The following PFKM variants were observed in gnomAD, a reference collection of about 807,000 sequenced individuals.
PFKM encodes the protein ATP-dependent 6-phosphofructokinase, muscle type.
A neutral mutation model predicts 95.5 loss-of-function variants in PFKM; 58 were observed. The ratio of observed to expected loss-of-function variants is 0.61; its 90% CI spans 0.49 to 0.76. The LOEUF is 0.76. Ranked by LOEUF, PFKM falls within the 30% of genes least tolerant of loss-of-function variation. PFKM has a pLI of 0.00. For synonymous variants in PFKM, 336 were observed against 357.2 expected, an observed-to-expected ratio of 0.94 and a Z score of 0.67; for missense variants, 678 against 1,005.4, an observed-to-expected ratio of 0.67 and a Z score of 4.40.
At chr12:48,129,243 T>TTTTTTTTTTTTTTTTTTTTC (rs1565877213) in intron 2 of PFKM, among the ~76,000 whole-genome samples, 1 of 96,178 alleles carries the variant, frequency 1.0e-5, no homozygotes, top group African/African-American at 4.6e-5. Context: ...TTTTTTTTTT[T>TTTTTTTTTTTTTTTTTTTTC]ACAGATGGAG....
At chr12:48,105,983 C>G (rs955578449) in exon 1 of PFKM, 5 of 700,096 alleles carry the variant, frequency 7.1e-6, no homozygotes, top group East Asian at 5.4e-5. Context: ...CTGGACCAGG[C>G]TCCCTCCATC....
chr12:48,139,722 G>T (rs1950413464), intron 12 of PFKM, 127 bp from the exon 13 acceptor site: 1 of 737,372 alleles, frequency 1.4e-6, no homozygotes, highest in East Asian at 2.6e-5. Context: ...CTCTGCCCCA[G>T]TTCTGTCCTC....
At chr12:48,122,369 C>G (rs541656905) in intron 1 of PFKM, among the ~76,000 whole-genome samples, 1 of 152,222 alleles carries the variant, frequency 6.6e-6, no homozygotes, top group South Asian at 2.1e-4. Flanking sequence ...TCATCTGATT[C>G]CAGCCCTCTG....
Position 48,132,863 on chromosome 12 carries a change from C to A in PFKM, c.238-5C>A. On this transcript the variant is annotated splice_polypyrimidine_tract_variant and splice_region_variant and intron_variant, in intron 4 of 22. Transcript: ENST00000359794. ...CTGGGGAGCTGACTTCTACCTCTTC[C>A]AAAGGGAGGCACGGTGATTGGAAGT... The A allele has an allele frequency of 6.2e-7, 1 of 1,608,714 alleles. No homozygotes were observed. The highest frequency in any genetic ancestry group is 1.3e-5 in the African/African-American group (1 of 74,954).
intron 3 of PFKM, among the ~76,000 whole-genome samples, chr12:48,111,847 G>A (rs903070564): frequency 2.6e-5 from 4 of 152,240 alleles, no homozygotes; most frequent in Non-Finnish European, 5.9e-5. Flanking sequence ...ACTCAACAAA[G>A]AGTGAGTATA....
chr12:48,139,461 A>C, intron 12 of PFKM, 112 bp downstream of exon 12: 2 of 833,472 alleles, frequency 2.4e-6, no homozygotes, highest in Non-Finnish European at 4.0e-6. Context: ...TCCTTTTCTG[A>C]TTCTCTCTGC....
chr12:48,106,168 G>C (rs1017773655), intron 1 of PFKM: 40 of 700,936 alleles, frequency 5.7e-5, no homozygotes, highest in Non-Finnish European at 8.6e-5. Context: ...TGGGGCAGGA[G>C]GTCAAAGAAC....
exon 2 of PFKM, chr12:48,107,415 G>A: frequency 1.7e-5 from 27 of 1,599,068 alleles, no homozygotes; most frequent in Non-Finnish European, 2.3e-5. Flanking sequence ...TCATGTGTGT[G>A]ATTCAGTCTC....
chr12:48,126,485 G>A (rs554600964), intron 2 of PFKM, among the ~76,000 whole-genome samples: 1 of 152,174 alleles, frequency 6.6e-6, no homozygotes, highest in Non-Finnish European at 1.5e-5. Context: ...AGAAGGCAGA[G>A]GGAGAAGAGA....
chr12:48,141,554 T>C (rs1183291979), intron 15 of PFKM, 173 bp downstream of exon 15: 1 of 762,430 alleles, frequency 1.3e-6, no homozygotes, highest in Admixed American at 2.0e-5. Context: ...CTTTAGCAGC[T>C]CTGGCAACTT....
intron 3 of PFKM, among the ~76,000 whole-genome samples, chr12:48,113,741 CTAT>C (rs1397385253): frequency 1.3e-5 from 2 of 152,200 alleles, no homozygotes; most frequent in Non-Finnish European, 2.9e-5. Context: ...TGCCTCTACT[CTAT>C]TATTGTACAC....
intron 2 of PFKM, among the ~76,000 whole-genome samples, chr12:48,125,827 T>A (rs1948784205): frequency 1.3e-5 from 2 of 152,322 alleles, no homozygotes; most frequent in African/African-American, 4.8e-5. Flanking sequence ...TTCTAAGGTT[T>A]ATAATTTTTA....
chr12:48,137,987 A>T, intron 11 of PFKM, 141 bp downstream of exon 11: 1 of 893,098 alleles, frequency 1.1e-6, no homozygotes, highest in Non-Finnish European at 1.8e-6. Context: ...ATGTGGGGAA[A>T]GAACACAGTG....
chr12:48,105,802 C>A (rs1946507876), upstream of PFKM: 3 of 588,378 alleles, frequency 5.1e-6, no homozygotes, highest in South Asian at 6.0e-5. Context: ...CCAGAAGGAA[C>A]GGCCTCAGGT....
Position 48,119,382 on chromosome 12 carries a change from G to A in PFKM, c.-33G>A, listed in dbSNP as rs1947954769. The A allele has an allele frequency of 1.0e-6, 1 of 985,862 alleles. No homozygotes were observed. The highest frequency in any genetic ancestry group is 1.7e-5 in the African/African-American group (1 of 57,366). 61.1% of individuals were successfully genotyped at this position (985,862 alleles called of 1,614,324 possible). On this transcript the variant is annotated 5_prime_UTR_variant, in exon 1 of 23. Transcript: ENST00000359794. ...CAAGGACAATCTGCAAGAAAGCAGCGGCGGAGGAGAGCTAAGACTAAAAGG... is the reference window on the plus strand; with the variant it reads ...CAAGGACAATCTGCAAGAAAGCAGCAGCGGAGGAGAGCTAAGACTAAAAGG...
chr12:48,106,216 G>T (rs552675197), intron 1 of PFKM: 16 of 663,066 alleles, frequency 2.4e-5, no homozygotes, highest in East Asian at 1.4e-4. Flanking sequence ...GCGGTGTGGC[G>T]AGGCCCGAGA....
chr12:48,145,215 A>G lies in PFKM; in HGVS notation c.2098A>G (p.Ile700Val), dbSNP rs746228312. ...CTGCCCATCCCTCATTGCAGGGCGGATCTTTGCCAATACTCCAGATTCGGG... is the reference window on the plus strand; with the variant it reads ...CTGCCCATCCCTCATTGCAGGGCGGGTCTTTGCCAATACTCCAGATTCGGG... ...KIKESYRNGR[I>V]FANTPDSGCV... Residue 700 changes from isoleucine (I) to valine (V), a missense_variant, in exon 22 of 23, where the codon ATC becomes GTC. Transcript: ENST00000359794. The surrounding 1 kb of genome is among the most constrained non-coding windows in gnomAD (Gnocchi z 4.3). The G allele has an allele frequency of 1.2e-6, 2 of 1,613,938 alleles. No individual in the cohort carries two copies. Among genetic ancestry groups the G allele is most frequent in the African/African-American group, 1.3e-5 (1 of 74,908 alleles).
At chr12:48,107,521 C>T (rs1328053005) in intron 2 of PFKM, 1 of 1,046,186 alleles carries the variant, frequency 9.6e-7, no homozygotes, top group African/African-American at 1.6e-5. Flanking sequence ...AGTCTAAATA[C>T]AGGATGTGAG....
intron 5 of PFKM, 25 bp from the exon 6 acceptor site, chr12:48,133,290 C>T (rs758114765): frequency 1.2e-6 from 2 of 1,609,980 alleles, no homozygotes; most frequent in South Asian, 2.2e-5. Context: ...CACCCAGTGG[C>T]TCCTGGTTTG....
Sources: allele counts gnomAD v4.1 joint callset (sites outside exome capture counted in the v4.1 genomes callset), GRCh38; gene constraint gnomAD v4.1.1; non-coding constraint Gnocchi (gnomAD v3.1); transcripts MANE v1.5; gene names NCBI Gene and HGNC (gene_info 2026-07-23, HGNC 2026-07-21).